TENM3: variants seen among roughly 807,000 people sequenced by gnomAD.
TENM3 encodes teneurin-3.
A neutral mutation model predicts 255.1 loss-of-function variants in TENM3; 63 were observed. The observed-to-expected ratio is 0.25, with a 90% CI of 0.20 to 0.30. The LOEUF is 0.30. Ranked by LOEUF, TENM3 falls within the 10% of genes least tolerant of loss-of-function variation. The pLI is 1.00. For missense variants in TENM3, 2,929 were observed against 3,461.1 expected (o/e 0.85, Z 3.86); for synonymous variants, 1,306 against 1,322.3 (o/e 0.99, Z 0.27).
the TENM3 span, among the ~76,000 whole-genome samples, chr4:181,686,345 T>C: frequency 6.6e-6 from 1 of 152,192 alleles, no homozygotes; most frequent in Non-Finnish European, 1.5e-5. Flanking sequence ...ATCTTCTTAG[T>C]TCGTGATGTA....
chr4:182,542,555 C>T (rs1456053665), intron 3 of TENM3, among the ~76,000 whole-genome samples: 1 of 151,984 alleles, frequency 6.6e-6, no homozygotes, highest in South Asian at 2.1e-4. Context: ...GTTATAGTTT[C>T]CCTATACTGA....
chr4:182,047,397 A>G, the TENM3 span, among the ~76,000 whole-genome samples: 22 of 151,916 alleles, frequency 1.4e-4, no homozygotes, highest in Non-Finnish European at 2.6e-4. Flanking sequence ...CCCCGTTTCT[A>G]CTAAAATACA....
intron 3 of TENM3, among the ~76,000 whole-genome samples, chr4:182,429,803 C>T (rs1026860784): frequency 2.0e-5 from 3 of 152,278 alleles, no homozygotes; most frequent in Middle Eastern, 6.8e-3. Context: ...AGAGATTGAA[C>T]GATGAATAAA....
chr4:182,322,236 G>A (rs1763099871), intron 1 of TENM3, among the ~76,000 whole-genome samples: 1 of 152,130 alleles, frequency 6.6e-6, no homozygotes, highest in African/African-American at 2.4e-5. Context: ...AGAAGACAAA[G>A]GTAGAGAAAT....
intron 11 of TENM3, 115 bp downstream of exon 11, chr4:182,682,129 C>A: frequency 5.0e-6 from 4 of 801,536 alleles, no homozygotes; most frequent in Non-Finnish European, 7.8e-6. Flanking sequence ...TAAAGTGATT[C>A]TTTATGGAAA....
chr4:182,323,392 C>A (rs1479530145), intron 1 of TENM3, among the ~76,000 whole-genome samples: 1 of 147,060 alleles, frequency 6.8e-6, no homozygotes, highest in Non-Finnish European at 1.5e-5. Context: ...ATTGTGCCCT[C>A]TGAAGAAAGA....
chr4:182,287,815 C>T (rs1433967491), intron 1 of TENM3, among the ~76,000 whole-genome samples: 1 of 151,946 alleles, frequency 6.6e-6, no homozygotes, highest in Non-Finnish European at 1.5e-5. Flanking sequence ...GAGGTGGTTT[C>T]ACCATATTGG....
intron 3 of TENM3, among the ~76,000 whole-genome samples, chr4:182,497,880 A>ATATATCTATC (rs1389184818): frequency 6.8e-6 from 1 of 146,416 alleles, no homozygotes; most frequent in African/African-American, 2.5e-5. Context: ...ATATATATAT[A>ATATATCTATC]TATCTCAACC....
chr4:182,058,032 G>A, the TENM3 span, among the ~76,000 whole-genome samples: 2 of 151,958 alleles, frequency 1.3e-5, no homozygotes, highest in Non-Finnish European at 2.9e-5. Flanking sequence ...GAATTGGATG[G>A]CATATATAGT....
At chr4:182,668,011 A>G (rs188816175) in intron 6 of TENM3, among the ~76,000 whole-genome samples, 2 of 152,198 alleles carry the variant, frequency 1.3e-5, no homozygotes, top group African/African-American at 2.4e-5. Flanking sequence ...CTTTGACAGT[A>G]GTTGGGGTGA....
At chr4:182,527,533 T>A (rs2151821529) in intron 3 of TENM3, among the ~76,000 whole-genome samples, 1 of 152,198 alleles carries the variant, frequency 6.6e-6, no homozygotes, top group African/African-American at 2.4e-5. Flanking sequence ...ATGTATACAT[T>A]AACGTGGCAT....
the TENM3 span, among the ~76,000 whole-genome samples, chr4:182,041,378 G>A: frequency 6.6e-6 from 1 of 152,042 alleles, no homozygotes; most frequent in Non-Finnish European, 1.5e-5. Context: ...TTTTTGTAAT[G>A]ATAAATAGCC....
the TENM3 span, among the ~76,000 whole-genome samples, chr4:181,612,524 CAG>C: frequency 3.9e-5 from 5 of 126,766 alleles, no homozygotes; most frequent in East Asian, 2.7e-4. Context: ...GTGTGTGTGT[CAG>C]AGAGAGAGAG....
intron 1 of TENM3, among the ~76,000 whole-genome samples, chr4:182,264,162 G>A (rs1188802243): frequency 4.6e-5 from 7 of 152,160 alleles, no homozygotes; most frequent in Non-Finnish European, 1.0e-4. Context: ...TGATTAATGC[G>A]AAAAAGAATT....
At chr4:182,097,550 A>G in the TENM3 span, among the ~76,000 whole-genome samples, 4 of 152,148 alleles carry the variant, frequency 2.6e-5, no homozygotes, top group Non-Finnish European at 5.9e-5. Context: ...TAGTTGATAG[A>G]ACTGGGGATT....
chr4:182,542,165 T>C (rs1262419683), intron 3 of TENM3, among the ~76,000 whole-genome samples: 1 of 152,226 alleles, frequency 6.6e-6, no homozygotes, highest in Non-Finnish European at 1.5e-5. Context: ...AAGTATTTTA[T>C]AGCAAAGTCT....
intron 3 of TENM3, among the ~76,000 whole-genome samples, chr4:182,480,758 T>C (rs866771171): frequency 1.2e-4 from 19 of 152,184 alleles, no homozygotes; most frequent in Middle Eastern, 3.4e-3. Flanking sequence ...TTAGGCTTCT[T>C]GTATTTTAAC....
chr4:182,437,173 G>A (rs192196270), intron 3 of TENM3, among the ~76,000 whole-genome samples: 292 of 152,276 alleles, frequency 1.9e-3, no homozygotes, highest in African/African-American at 6.8e-3. Context: ...AAAAATAGCT[G>A]TTCTCTAAAT....
chr4:181,964,134 GA>G, the TENM3 span, among the ~76,000 whole-genome samples: 3 of 143,836 alleles, frequency 2.1e-5, no homozygotes, highest in African/African-American at 5.2e-5. Context: ...GATGTACCTT[GA>G]AAAAAAAATA....
Sources: gnomAD v4.1 joint callset for allele counts (sites outside exome capture counted in the v4.1 genomes callset) on GRCh38, gnomAD v4.1.1 for gene constraint, MANE v1.5 for transcripts, NCBI Gene and HGNC (gene_info 2026-07-23, HGNC 2026-07-21) for gene names.